NSMCE2: variants seen among roughly 807,000 people sequenced by gnomAD.
NSMCE2 encodes the protein NSE2 SUMO ligase component of SMC5/6 complex.
NSMCE2 carries 24 observed loss-of-function variants against 23.8 expected under a neutral mutation model. The observed-to-expected ratio is 1.01, with a 90% CI of 0.73 to 1.42. The LOEUF (loss-of-function observed/expected upper bound fraction) is 1.42. Ranked by LOEUF, NSMCE2 falls within the 40% of genes most tolerant of loss-of-function variation. NSMCE2 has a pLI of 0.00. For synonymous variants in NSMCE2, 92 were observed against 94.1 expected (o/e 0.98, Z 0.13); for missense variants, 284 against 296.5 (o/e 0.96, Z 0.31).
chr8:125,290,196 T>C (rs1828054667), intron 5 of NSMCE2, among the ~76,000 whole-genome samples: 1 of 152,150 alleles, frequency 6.6e-6, no homozygotes, highest in Non-Finnish European at 1.5e-5. Context: ...CCATGTCTTA[T>C]GCTACGAAAA....
chr8:125,327,330 CTGAA>C (rs1041926024), intron 5 of NSMCE2, among the ~76,000 whole-genome samples: 1 of 149,642 alleles, frequency 6.7e-6, no homozygotes, highest in Non-Finnish European at 1.5e-5. Flanking sequence ...AATATAATTA[CTGAA>C]TGAATGTAGT....
intron 1 of NSMCE2, among the ~76,000 whole-genome samples, chr8:125,096,442 T>G (rs1380075498): frequency 6.6e-6 from 1 of 152,164 alleles, no homozygotes; most frequent in Non-Finnish European, 1.5e-5. Context: ...TTGAGGATTA[T>G]TTTTTTCAGT....
chr8:125,120,334 C>A (rs1431293608), intron 3 of NSMCE2, among the ~76,000 whole-genome samples: 1 of 152,194 alleles, frequency 6.6e-6, no homozygotes, highest in Admixed American at 6.5e-5. Context: ...CAAATCAAAC[C>A]AGTCGGTAAA....
intron 4 of NSMCE2, among the ~76,000 whole-genome samples, chr8:125,176,918 G>C (rs1433866446): frequency 6.6e-6 from 1 of 152,176 alleles, no homozygotes; most frequent in African/African-American, 2.4e-5. Context: ...CTTATTGTGA[G>C]TTTCCTCATA....
intron 5 of NSMCE2, among the ~76,000 whole-genome samples, chr8:125,309,248 C>CAAAAAAAAAAAAAAAAAAAAAA: frequency 1.5e-5 from 1 of 65,524 alleles, no homozygotes; most frequent in Non-Finnish European, 3.7e-5. Context: ...AACTCTGTCT[C>CAAAAAAAAAAAAAAAAAAAAAA]AAAAAAAAAA....
At chr8:125,103,439 G>A (rs972821958) in intron 3 of NSMCE2, among the ~76,000 whole-genome samples, 3 of 151,122 alleles carry the variant, frequency 2.0e-5, no homozygotes, top group East Asian at 2.0e-4. Flanking sequence ...TGAGCAATTT[G>A]TGATGTGCCG....
intron 4 of NSMCE2, among the ~76,000 whole-genome samples, chr8:125,179,558 C>G (rs1049025042): frequency 1.3e-5 from 2 of 152,136 alleles, no homozygotes; most frequent in African/African-American, 4.8e-5. Context: ...ATTTTGATAG[C>G]TAGAGTACAG....
intron 3 of NSMCE2, among the ~76,000 whole-genome samples, chr8:125,131,553 T>C (rs564875522): frequency 9.9e-5 from 15 of 152,218 alleles, no homozygotes; most frequent in African/African-American, 3.6e-4. Context: ...ATGCACACCT[T>C]GCCCAGCCAA....
intron 3 of NSMCE2, among the ~76,000 whole-genome samples, chr8:125,142,992 T>C (rs1022868083): frequency 2.6e-5 from 4 of 151,984 alleles, no homozygotes; most frequent in Admixed American, 6.6e-5. Context: ...TAACCAAGTT[T>C]CTATTAAATA....
At chr8:125,233,926 C>T (rs1229523605) in intron 5 of NSMCE2, among the ~76,000 whole-genome samples, 1 of 150,996 alleles carries the variant, frequency 6.6e-6, no homozygotes, top group African/African-American at 2.4e-5. Flanking sequence ...CCTGTAATCC[C>T]AGCACTTTGG....
intron 4 of NSMCE2, among the ~76,000 whole-genome samples, chr8:125,178,138 G>T (rs1036023574): frequency 4.6e-5 from 7 of 152,118 alleles, no homozygotes; most frequent in African/African-American, 1.7e-4. Flanking sequence ...ATTAACAATA[G>T]TAATCATTTT....
chr8:125,228,369 C>T (rs1825186190), intron 5 of NSMCE2, among the ~76,000 whole-genome samples: 1 of 152,120 alleles, frequency 6.6e-6, no homozygotes, highest in African/African-American at 2.4e-5. Context: ...TTTCTGCCTT[C>T]TAGAAGCTTA....
intron 5 of NSMCE2, among the ~76,000 whole-genome samples, chr8:125,195,453 A>G (rs777561799): frequency 2.6e-5 from 4 of 152,224 alleles, no homozygotes; most frequent in African/African-American, 4.8e-5. Context: ...ATATCTTAGC[A>G]TAGTCATAAG....
At chr8:125,116,871 A>T (rs76166283) in intron 3 of NSMCE2, among the ~76,000 whole-genome samples, 5,969 of 149,878 alleles carry the variant, frequency 0.04, 224 homozygotes, top group Non-Finnish European at 0.052. Flanking sequence ...CAGTTTTTTT[A>T]CTTAAGCATA....
chr8:125,106,817 G>A (rs1301911981), intron 3 of NSMCE2, among the ~76,000 whole-genome samples: 4 of 151,572 alleles, frequency 2.6e-5, no homozygotes, highest in Non-Finnish European at 5.9e-5. Context: ...CTAACATGAC[G>A]AAAACCTGTC....
At chr8:125,340,784 G>A (rs771072370) in intron 5 of NSMCE2, among the ~76,000 whole-genome samples, 18 of 151,966 alleles carry the variant, frequency 1.2e-4, no homozygotes, top group Non-Finnish European at 2.9e-5. Context: ...CCTCAGTCTG[G>A]GTGAAGAGGA....
chr8:125,313,495 C>T (rs1829058244), intron 5 of NSMCE2, among the ~76,000 whole-genome samples: 2 of 152,126 alleles, frequency 1.3e-5, no homozygotes, highest in Admixed American at 6.6e-5. Flanking sequence ...GCTGTAAGCT[C>T]CAAATTTGTA....
chr8:125,300,450 A>T (rs116543246), intron 5 of NSMCE2, among the ~76,000 whole-genome samples: 105 of 152,332 alleles, frequency 6.9e-4, no homozygotes, highest in African/African-American at 2.4e-3. Context: ...GACATGAGCC[A>T]TCACACCTGG....
chr8:125,197,497 C>G (rs538595917), intron 5 of NSMCE2, among the ~76,000 whole-genome samples: 1 of 152,110 alleles, frequency 6.6e-6, no homozygotes, highest in Non-Finnish European at 1.5e-5. Context: ...TATCAAAGAT[C>G]GGATGGTTGT....
Sources: allele counts gnomAD v4.1 joint callset (sites outside exome capture counted in the v4.1 genomes callset), GRCh38; gene constraint gnomAD v4.1.1; transcripts MANE v1.5; gene names NCBI Gene and HGNC (gene_info 2026-07-23, HGNC 2026-07-21).